DMD: variants seen among roughly 807,000 people sequenced by gnomAD.
DMD encodes mutant dystrophin.
A neutral mutation model predicts 330.1 loss-of-function variants in DMD; 63 were observed. The ratio of observed to expected loss-of-function variants is 0.19; its 90% confidence interval spans 0.16 to 0.24. DMD has a LOEUF of 0.24. Among genes scored for constraint, DMD ranks in the 10% least tolerant of loss-of-function variants. The probability of loss-of-function intolerance (pLI) is 1.00; values close to 1 mark genes in which losing one functional copy is unlikely to be tolerated. For missense variants in DMD, 3,344 were observed against 2,684.1 expected (o/e 1.25, Z -5.43); for synonymous variants, 1,223 against 959.8 (o/e 1.27, Z -5.07).
intron 42 of DMD, among the ~76,000 whole-genome samples, chrX:32,301,479 A>T (rs2097523641): frequency 9.0e-6 from 1 of 110,713 alleles, no homozygotes; most frequent in African/African-American, 3.3e-5. Flanking sequence ...TTCAGAAATA[A>T]GCAGACTTGG....
At chrX:31,513,210 G>T (rs1239556870) in intron 55 of DMD, among the ~76,000 whole-genome samples, 1 of 94,176 alleles carries the variant, frequency 1.1e-5, no homozygotes, top group African/African-American at 4.0e-5. Context: ...TGCTGAAGTT[G>T]CTTATCAGCT....
chrX:33,279,971 T>TCTAG lies in DMD; in HGVS notation c.7+59287_7+59288insCTAG, dbSNP rs1281836191. The stretch of plus-strand genomic sequence containing the variant: ...GATACTAGTTCTTGATATCTAGATA[T>TCTAG]ATGGTTTGCCAATATTTTCTCCCAG... On this transcript the variant is annotated intron_variant, in intron 1 of 17. Coordinates refer to the DMD transcript ENST00000288447. Among the ~76,000 whole-genome samples, 78 of 107,904 alleles carry TCTAG rather than the reference T, an allele frequency of 7.2e-4. No homozygotes were observed. The East Asian group carries it at 7.5e-3, about 10-fold the overall frequency. The allele number at this position is 107,904 out of a possible 115,157, so 93.7% of individuals were successfully genotyped here. A position where few individuals can be genotyped will look rare whatever the true frequency, so the allele number is the denominator to read the frequency against.
intron 2 of DMD, among the ~76,000 whole-genome samples, chrX:32,891,901 C>T (rs1219206498): frequency 9.0e-6 from 1 of 111,231 alleles, no homozygotes; most frequent in African/African-American, 3.3e-5. Context: ...CTCTTCAGAC[C>T]TGGAATCCTG....
chrX:32,961,064 G>A (rs1178733281), intron 2 of DMD, among the ~76,000 whole-genome samples: 1 of 111,327 alleles, frequency 9.0e-6, no homozygotes, highest in Non-Finnish European at 1.9e-5. Flanking sequence ...GACCATGGAA[G>A]CATAAAATAT....
In DMD at chrX:32,208,287, A is replaced by G. The variant is rs765763901; in HGVS notation, c.6438+8629T>C. Among the ~76,000 whole-genome samples the G allele has an allele frequency of 6.2e-5, 7 of 112,205 alleles. No individual in the cohort carries two copies. In the East Asian group the frequency reaches 2.0e-3, roughly 31 times the overall value. On this transcript the variant is annotated intron_variant, in intron 44 of 78. Transcript: ENST00000357033. ...GGGATATACGACCACGGTTAATCCT[A>G]ATTGTTTTTCCCTTGTCAAATAGAA...
At chrX:31,544,580 T>C (rs1353055083) in intron 55 of DMD, among the ~76,000 whole-genome samples, 1 of 111,030 alleles carries the variant, frequency 9.0e-6, no homozygotes, top group Non-Finnish European at 1.9e-5. Context: ...CACCCCAGTT[T>C]ATTACCATTC....
At position 32,710,191 on chromosome X, in the gene DMD, T is replaced by C. The variant is rs762900223; in HGVS notation, c.650-10898A>G. The stretch of plus-strand genomic sequence containing the variant: ...TTTTTTTCATTTAAATTCACCACTC[T>C]CTTGTGAGTTAAGAATACAGCCCAA... On this transcript the variant is annotated intron_variant, in intron 7 of 78. Coordinates refer to ENST00000357033, the MANE Select transcript of DMD (RefSeq NM_004006.3). Among the ~76,000 whole-genome samples the C allele has an allele frequency of 4.8e-3, 524 of 110,094 alleles. 12 individuals carry two copies. Among genetic ancestry groups the C allele is most frequent in the African/African-American group, 0.016 (495 of 30,209 alleles).
rs180824958 is a variant in DMD, at chrX:32,870,062, A to G, written c.94-20242T>C. On this transcript the variant is annotated intron_variant, in intron 2 of 78. Coordinates refer to ENST00000357033, the MANE Select transcript of DMD (RefSeq NM_004006.3). ...TAGAAAACTCCATCGTCTCACCCCA[A>G]AATCTCCTTAAGCTGGCAAGCAAAT... 7.8e-3 allele frequency among the ~76,000 whole-genome samples: 867 copies of G among 111,571 alleles called. 15 individuals are homozygous for G. Among genetic ancestry groups the G allele is most frequent in the African/African-American group, 0.027 (828 of 30,674 alleles).
chrX:31,567,669 T>A (rs1456406926), intron 55 of DMD, among the ~76,000 whole-genome samples: 1 of 111,691 alleles, frequency 9.0e-6, no homozygotes, highest in East Asian at 2.8e-4. Flanking sequence ...CTTTCCTGTC[T>A]TCTAACTAAA....
At chrX:31,159,296 C>G (rs754723308) in intron 74 of DMD, among the ~76,000 whole-genome samples, 22 of 111,412 alleles carry the variant, frequency 2.0e-4, no homozygotes, top group African/African-American at 6.5e-4. Context: ...AGATTTTTAT[C>G]TTTGAAATTA....
intron 2 of DMD, among the ~76,000 whole-genome samples, chrX:32,863,875 G>A (rs2082281355): frequency 8.9e-6 from 1 of 111,966 alleles, no homozygotes; most frequent in African/African-American, 3.3e-5. Context: ...GTCATCCTTG[G>A]TTTATTCATT....
At chrX:31,895,964 G>A (rs1325234955) in intron 47 of DMD, among the ~76,000 whole-genome samples, 2 of 112,033 alleles carry the variant, frequency 1.8e-5, no homozygotes, top group Admixed American at 9.5e-5. Context: ...GTTCTTGAGT[G>A]TATTTAAACT....
chrX:32,162,370 C>G (rs967332230), intron 44 of DMD, among the ~76,000 whole-genome samples: 2 of 110,131 alleles, frequency 1.8e-5, no homozygotes, highest in Admixed American at 1.9e-4. Flanking sequence ...TCTGGCTATT[C>G]TGCCATTAAA....
chrX:32,831,094 A>G (rs1179323782), intron 4 of DMD, among the ~76,000 whole-genome samples: 1 of 110,839 alleles, frequency 9.0e-6, no homozygotes, highest in Non-Finnish European at 1.9e-5. Context: ...AGATTAATAT[A>G]TAATCATTTC....
At chrX:31,749,734 G>A (rs1569341405) in intron 51 of DMD, among the ~76,000 whole-genome samples, 1 of 105,907 alleles carries the variant, frequency 9.4e-6, no homozygotes, top group Non-Finnish European at 1.9e-5. Context: ...CTTCCACAAT[G>A]GTTGAACTAG....
At chrX:31,148,659 T>A (rs1157277172) in intron 74 of DMD, among the ~76,000 whole-genome samples, 2 of 112,011 alleles carry the variant, frequency 1.8e-5, no homozygotes, top group Non-Finnish European at 3.8e-5. Context: ...CTTTTACCAA[T>A]TTACTCTCGC....
chrX:32,655,882 A>T (rs958957227), intron 9 of DMD, among the ~76,000 whole-genome samples: 12 of 111,031 alleles, frequency 1.1e-4, no homozygotes, highest in Admixed American at 1.9e-4. Context: ...TGATCCCTTT[A>T]CCATTATGTA....
rs150852686 is a variant in DMD, at chrX:32,647,580, T to C, written c.961-2428A>G. ...ACCACTTATGCTGAAATTGATGATATAGAAAGAAAGGGAATCTTGTGACTT... is the reference window on the plus strand; with the variant it reads ...ACCACTTATGCTGAAATTGATGATACAGAAAGAAAGGGAATCTTGTGACTT... On this transcript the variant is annotated intron_variant, in intron 9 of 78. Coordinates refer to ENST00000357033, the MANE Select transcript of DMD (RefSeq NM_004006.3). Among the ~76,000 whole-genome samples the C allele has an allele frequency of 6.7e-3, 747 of 111,675 alleles. 6 individuals are homozygous for C. Among genetic ancestry groups the C allele is most frequent in the African/African-American group, 0.023 (716 of 30,738 alleles).
chrX:31,261,076 G>A, intron 62 of DMD, 60 bp from the exon 63 acceptor site: 1 of 1,005,005 alleles, frequency 1.0e-6, no homozygotes, highest in Non-Finnish European at 1.4e-6. Context: ...AAGAAAACAG[G>A]AAAAAAGAAA....
Sources: gnomAD v4.1 joint callset for allele counts (sites outside exome capture counted in the v4.1 genomes callset) on GRCh38, gnomAD v4.1.1 for gene constraint, MANE v1.5 for transcripts, NCBI Gene and HGNC (gene_info 2026-07-23, HGNC 2026-07-21) for gene names.